The following RBFOX1 variants were observed in gnomAD, a reference collection of about 807,000 sequenced individuals.
The protein encoded by RBFOX1 is RNA binding fox-1 homolog 1.
Under a neutral mutation model 57.7 loss-of-function variants are expected in RBFOX1, and 8 were observed. The observed-to-expected ratio is 0.14, with a 90% confidence interval of 0.08 to 0.25. The LOEUF is 0.25. Ranked by LOEUF, RBFOX1 falls within the 10% of genes least tolerant of loss-of-function variation. The pLI is 1.00. For synonymous variants in RBFOX1, 326 were observed against 222.4 expected, an observed-to-expected ratio of 1.47 and a Z score of -4.15; for missense variants, 611 against 548.5, an observed-to-expected ratio of 1.11 and a Z score of -1.14.
chr16:7,111,555 GT>G (rs1365913410), intron 4 of RBFOX1, among the ~76,000 whole-genome samples: 1 of 152,228 alleles, frequency 6.6e-6, no homozygotes, highest in East Asian at 1.9e-4. Context: ...GATTATATCA[GT>G]TTTATCAGCT....
chr16:5,665,985 A>G (rs937767714), intron 3 of RBFOX1, among the ~76,000 whole-genome samples: 3 of 152,234 alleles, frequency 2.0e-5, no homozygotes, highest in Non-Finnish European at 4.4e-5. Context: ...TGGGATAATC[A>G]GGCCCCAGCC....
At chr16:5,848,330 A>C (rs1222289004) in intron 3 of RBFOX1, among the ~76,000 whole-genome samples, 1 of 152,106 alleles carries the variant, frequency 6.6e-6, no homozygotes, top group African/African-American at 2.4e-5. Context: ...ACAAAAACCG[A>C]TGTCTTGTTT....
intron 1 of RBFOX1, among the ~76,000 whole-genome samples, chr16:6,032,093 T>A (rs1326484878): frequency 6.6e-6 from 1 of 152,134 alleles, no homozygotes; most frequent in African/African-American, 2.4e-5. Flanking sequence ...CAGAGACCCT[T>A]AGCCTCTTTC....
intron 12 of RBFOX1, chr16:7,664,713 C>A: frequency 1.4e-6 from 1 of 725,350 alleles, no homozygotes; most frequent in Non-Finnish European, 2.2e-6. Flanking sequence ...GCCACCACCA[C>A]ATCCTAATTC....
intron 2 of RBFOX1, among the ~76,000 whole-genome samples, chr16:5,510,611 A>G (rs771740949): frequency 6.6e-6 from 1 of 152,134 alleles, no homozygotes; most frequent in African/African-American, 2.4e-5. Context: ...GAGATGAAAA[A>G]TGGGGGCTAG....
chr16:6,964,928 C>G (rs762394246), intron 3 of RBFOX1, among the ~76,000 whole-genome samples: 2 of 152,148 alleles, frequency 1.3e-5, no homozygotes, highest in Admixed American at 1.3e-4. Flanking sequence ...CCCATCTCTG[C>G]GGATTAAAGG....
At chr16:6,443,551 A>G (rs1422963729) in intron 2 of RBFOX1, among the ~76,000 whole-genome samples, 1 of 152,308 alleles carries the variant, frequency 6.6e-6, no homozygotes, top group Non-Finnish European at 1.5e-5. Flanking sequence ...ATACTTGAAA[A>G]TACCCAGTGT....
At chr16:6,806,807 T>C (rs2086882180) in intron 3 of RBFOX1, among the ~76,000 whole-genome samples, 1 of 83,998 alleles carries the variant, frequency 1.2e-5, no homozygotes, top group South Asian at 3.4e-4. Flanking sequence ...TATATATAAA[T>C]AAATATATAA....
chr16:5,591,277 G>A (rs529164256), intron 2 of RBFOX1, among the ~76,000 whole-genome samples: 1 of 144,016 alleles, frequency 6.9e-6, no homozygotes, highest in African/African-American at 2.6e-5. Flanking sequence ...TTGAGACGGA[G>A]TTTCTCTTTT....
intron 4 of RBFOX1, among the ~76,000 whole-genome samples, chr16:7,393,108 A>G (rs576528046): frequency 1.3e-5 from 2 of 152,284 alleles, no homozygotes; most frequent in Admixed American, 1.3e-4. Flanking sequence ...TCCTGACCTC[A>G]GGTGATCTGC....
chr16:6,052,790 T>G (rs1248880517), intron 1 of RBFOX1, among the ~76,000 whole-genome samples: 2 of 108,240 alleles, frequency 1.8e-5, no homozygotes, highest in Non-Finnish European at 3.7e-5. Context: ...TCTCAAAAAA[T>G]AAATAAAATA....
intron 3 of RBFOX1, among the ~76,000 whole-genome samples, chr16:6,807,063 A>C (rs534334961): frequency 3.3e-5 from 5 of 151,666 alleles, no homozygotes; most frequent in African/African-American, 1.2e-4. Context: ...TGAACTCCTG[A>C]CCTCAAGTAG....
In RBFOX1 at chr16:5,303,507, C is replaced by T. The variant is rs114154276; in HGVS notation, c.219+63402C>T. Among the ~76,000 whole-genome samples, 287 of 152,272 alleles carry T rather than the reference C, an allele frequency of 1.9e-3. 1 individual carries two copies. Among genetic ancestry groups the T allele is most frequent in the African/African-American group, 6.5e-3 (270 of 41,556 alleles). ...CCTCAGTTTGTTAGGAGGCAGGGAA[C>T]ATTCTGAAACCCTGGAGAAAAGCTG... On this transcript the variant is annotated intron_variant, in intron 1 of 2. Transcript: ENST00000585867.
At chr16:6,535,235 G>T (rs1162230318) in intron 2 of RBFOX1, among the ~76,000 whole-genome samples, 1 of 152,126 alleles carries the variant, frequency 6.6e-6, no homozygotes, top group Non-Finnish European at 1.5e-5. Flanking sequence ...TGGGAGAGTT[G>T]GTCACCTTCT....
intron 2 of RBFOX1, among the ~76,000 whole-genome samples, chr16:5,473,986 A>T (rs1028372733): frequency 1.1e-4 from 17 of 151,760 alleles, no homozygotes; most frequent in African/African-American, 4.1e-4. Context: ...ACACAGATGG[A>T]TAGATGGATA....
rs536151948 is a variant in RBFOX1 at position 6,421,675 on chromosome 16, G to C, written c.-64+104618G>C. 3.9e-5 allele frequency among the ~76,000 whole-genome samples: 6 copies of C among 152,266 alleles called. No homozygotes were observed. In the South Asian group the frequency reaches 1.2e-3, roughly 32 times the overall value. On this transcript the variant is annotated intron_variant, in intron 2 of 15. Transcript: ENST00000550418. Reference sequence around the variant, plus strand: ...CACAGAAGAAAACATGGGTGCTTTAGATCACACACACAAAAAATGATCGGG... The same window carrying C: ...CACAGAAGAAAACATGGGTGCTTTACATCACACACACAAAAAATGATCGGG...
At chr16:6,988,063 C>A (rs890888191) in intron 3 of RBFOX1, among the ~76,000 whole-genome samples, 1 of 152,104 alleles carries the variant, frequency 6.6e-6, no homozygotes, top group African/African-American at 2.4e-5. Context: ...ACCCCACATT[C>A]CACAGCCAGT....
At chr16:7,577,904 A>G (rs11644105) in intron 5 of RBFOX1, among the ~76,000 whole-genome samples, 46,967 of 152,128 alleles carry the variant, frequency 0.31, 8,740 homozygotes, top group East Asian at 0.53. Context: ...CAAGAAAACA[A>G]CAACAAAAGA....
intron 3 of RBFOX1, among the ~76,000 whole-genome samples, chr16:6,876,306 C>T (rs1250716894): frequency 6.6e-6 from 1 of 152,164 alleles, no homozygotes; most frequent in African/African-American, 2.4e-5. Context: ...TCCTGGTCAG[C>T]ATATTCAATG....
Sources: gnomAD v4.1 joint callset for allele counts (sites outside exome capture counted in the v4.1 genomes callset) on GRCh38, gnomAD v4.1.1 for gene constraint, MANE v1.5 for transcripts, NCBI Gene and HGNC (gene_info 2026-07-23, HGNC 2026-07-21) for gene names.